Variants in TPTE observed in about 807,000 individuals in gnomAD.
The protein encoded by TPTE is putative tyrosine-protein phosphatase TPTE.
TPTE carries 59 observed loss-of-function variants against 84.1 expected under a neutral mutation model. The observed-to-expected ratio is 0.70, with a 90% confidence interval of 0.57 to 0.87. The LOEUF (loss-of-function observed/expected upper bound fraction) is 0.87. Among genes scored for constraint, TPTE ranks in the 40% least tolerant of loss-of-function variants. The pLI, the probability that TPTE is intolerant of heterozygous loss-of-function variation, is 0.00. For synonymous variants in TPTE, 130 were observed against 223.5 expected (o/e 0.58, Z 3.73); for missense variants, 382 against 659.6 (o/e 0.58, Z 4.61).
intron 3 of TPTE, among the ~76,000 whole-genome samples, chr21:10,529,926 A>G (rs1848211): frequency 1.3e-5 from 2 of 152,022 alleles, no homozygotes; most frequent in African/African-American, 4.8e-5. Flanking sequence ...TTTTTTTTTA[A>G]AAAAAGTAGT....
intron 17 of TPTE, among the ~76,000 whole-genome samples, chr21:10,589,291 A>C (rs1362135586): frequency 6.6e-6 from 1 of 152,288 alleles, no homozygotes; most frequent in Non-Finnish European, 1.5e-5. Flanking sequence ...CACTTCTGCC[A>C]GCAGGTTTTA....
chr21:10,575,702 A>G (rs2075135773), intron 14 of TPTE, among the ~76,000 whole-genome samples: 1 of 152,312 alleles, frequency 6.6e-6, no homozygotes, highest in Non-Finnish European at 1.5e-5. Context: ...TTCACTGGTA[A>G]TATCTCCTTC....
In TPTE at chr21:10,578,313, T is replaced by C. The variant is rs374033978; in HGVS notation, c.857-24T>C. ...TATCATGTTATTCCCTATAGAGATA[T>C]GACATACATATTATTTATTTTAGGT... is the stretch of plus-strand genomic sequence containing the variant. On this transcript the variant is annotated intron_variant, in intron 15 of 23. Transcript: ENST00000618007. The C allele has an allele frequency of 5.0e-6, 8 of 1,611,514 alleles. No individual in the cohort carries two copies. In the African/African-American group the frequency reaches 8.0e-5, roughly 16 times the overall value.
chr21:10,527,303 C>T (rs1402800669), intron 2 of TPTE, 52 bp from the exon 3 acceptor site: 2 of 152,764 alleles, frequency 1.3e-5, no homozygotes, highest in African/African-American at 4.8e-5. Context: ...TCCTCATTGC[C>T]TTCCAAAATA....
chr21:10,522,268 C>T (rs2073994316), intron 1 of TPTE, among the ~76,000 whole-genome samples: 3 of 152,404 alleles, frequency 2.0e-5, no homozygotes, highest in Admixed American at 1.3e-4. Flanking sequence ...CGGGCTGCAT[C>T]CGCTCTTGGC....
chr21:10,526,123 G>A (rs1344228492), intron 2 of TPTE, among the ~76,000 whole-genome samples: 26 of 152,410 alleles, frequency 1.7e-4, no homozygotes, highest in African/African-American at 4.8e-4. Context: ...GAAAAGTAGC[G>A]GATGCCTATA....
intron 17 of TPTE, among the ~76,000 whole-genome samples, chr21:10,579,574 T>A (rs887709348): frequency 6.6e-6 from 1 of 152,302 alleles, no homozygotes; most frequent in Non-Finnish European, 1.5e-5. Context: ...GTAACCACCA[T>A]TCTACTCTCT....
At chr21:10,548,947 C>T (rs993937287) in intron 7 of TPTE, among the ~76,000 whole-genome samples, 1 of 152,310 alleles carries the variant, frequency 6.6e-6, no homozygotes, top group African/African-American at 2.4e-5. Context: ...GTGATGGCAC[C>T]ATGGCCAGCG....
intron 1 of TPTE, among the ~76,000 whole-genome samples, chr21:10,522,825 T>C (rs2074007553): frequency 6.6e-6 from 1 of 152,310 alleles, no homozygotes; most frequent in African/African-American, 2.4e-5. Context: ...CAAATCATGG[T>C]AATTAGCATA....
chr21:10,522,148 C>T (rs1265426857), intron 1 of TPTE, among the ~76,000 whole-genome samples: 86 of 152,324 alleles, frequency 5.6e-4, no homozygotes, highest in African/African-American at 2.0e-3. Flanking sequence ...TGTCTTGTCC[C>T]CCCCCAGGAT....
intron 9 of TPTE, among the ~76,000 whole-genome samples, chr21:10,560,078 G>T (rs1184210305): frequency 3.0e-4 from 45 of 152,396 alleles, no homozygotes; most frequent in African/African-American, 1.1e-3. Flanking sequence ...GTTTAAGCTG[G>T]ACATTAAGAA....
At chr21:10,537,434 T>A (rs1447751811) in intron 3 of TPTE, among the ~76,000 whole-genome samples, 1 of 152,302 alleles carries the variant, frequency 6.6e-6, no homozygotes. Flanking sequence ...ATCCCAGCAC[T>A]TTGGGAGGCC....
chr21:10,569,828 A>T (rs1420573598), intron 13 of TPTE, 82 bp downstream of exon 13: 1 of 1,612,178 alleles, frequency 6.2e-7, no homozygotes, highest in South Asian at 1.1e-5. Flanking sequence ...CATCTAAGAC[A>T]CATTCATTCA....
intron 21 of TPTE, among the ~76,000 whole-genome samples, chr21:10,600,435 G>T (rs1291439070): frequency 6.6e-6 from 1 of 152,270 alleles, no homozygotes; most frequent in Non-Finnish European, 1.5e-5. Context: ...CACTGTGCCT[G>T]GCCCATTTTT....
At chr21:10,591,959 T>C (rs1600970742) in intron 18 of TPTE, among the ~76,000 whole-genome samples, 1 of 152,306 alleles carries the variant, frequency 6.6e-6, no homozygotes, top group East Asian at 1.9e-4. Flanking sequence ...GGTCAAGAGT[T>C]TGAGAGCAGC....
intron 11 of TPTE, among the ~76,000 whole-genome samples, chr21:10,568,057 C>A (rs1169470169): frequency 2.0e-5 from 3 of 152,310 alleles, no homozygotes; most frequent in African/African-American, 7.2e-5. Flanking sequence ...TACTCTTGTA[C>A]TAACTTTAAC....
intron 8 of TPTE, among the ~76,000 whole-genome samples, chr21:10,559,271 A>G (rs535136418): frequency 1.7e-4 from 26 of 152,422 alleles, no homozygotes; most frequent in African/African-American, 6.0e-4. Context: ...AAATGTTACT[A>G]AACATCCAAA....
chr21:10,572,450 C>CAAAAAAAAAAAAAAAAAAA (rs58796102), intron 14 of TPTE, among the ~76,000 whole-genome samples: 1 of 131,986 alleles, frequency 7.6e-6, no homozygotes, highest in Non-Finnish European at 1.7e-5. Context: ...AGACTGTATC[C>CAAAAAAAAAAAAAAAAAAA]AAAAAAAAAA....
chr21:10,601,337 T>C (rs1978475598), intron 21 of TPTE, among the ~76,000 whole-genome samples: 1 of 152,310 alleles, frequency 6.6e-6, no homozygotes, highest in African/African-American at 2.4e-5. Context: ...ACCCCGTCTC[T>C]ACTAAAAATA....
Sources: allele counts gnomAD v4.1 joint callset (sites outside exome capture counted in the v4.1 genomes callset), GRCh38; gene constraint gnomAD v4.1.1; transcripts MANE v1.5; gene names NCBI Gene and HGNC (gene_info 2026-07-23, HGNC 2026-07-21).